DAB1: variants seen among roughly 807,000 people sequenced by gnomAD.
The protein encoded by DAB1 is disabled homolog 1.
A neutral mutation model predicts 64.6 loss-of-function variants in DAB1; 15 were observed. That is an observed-to-expected ratio of 0.23 (90% CI 0.16 to 0.36). The LOEUF (loss-of-function observed/expected upper bound fraction) is 0.36. DAB1 is among the 10% of genes least tolerant of loss of function. The pLI is 1.00. For missense variants in DAB1, 596 were observed against 706.7 expected, an observed-to-expected ratio of 0.84 and a Z score of 1.78; for synonymous variants, 235 against 251.9, an observed-to-expected ratio of 0.93 and a Z score of 0.64.
At chr1:58,328,221 A>G (rs756853548) in intron 4 of DAB1, among the ~76,000 whole-genome samples, 4 of 152,102 alleles carry the variant, frequency 2.6e-5, no homozygotes, top group Non-Finnish European at 5.9e-5. Context: ...ATTCATCCCA[A>G]CGTGATCTGC....
intron 1 of DAB1, among the ~76,000 whole-genome samples, chr1:57,309,392 AG>A (rs1284893396): frequency 6.6e-6 from 1 of 152,210 alleles, no homozygotes; most frequent in Non-Finnish European, 1.5e-5. Flanking sequence ...ATTCACTTTT[AG>A]GATTTCTGCT....
intron 11 of DAB1, 59 bp from the exon 12 acceptor site, chr1:57,015,490 C>A (rs977300511): frequency 5.5e-6 from 8 of 1,461,980 alleles, no homozygotes; most frequent in Non-Finnish European, 6.5e-6. Flanking sequence ...AAGAAGGATG[C>A]ATGGACTCAG....
At chr1:57,991,720 C>A (rs1466697446) in intron 5 of DAB1, among the ~76,000 whole-genome samples, 1 of 151,790 alleles carries the variant, frequency 6.6e-6, no homozygotes, top group Non-Finnish European at 1.5e-5. Flanking sequence ...GTAGCAGGCA[C>A]CTGTAATACC....
intron 6 of DAB1, among the ~76,000 whole-genome samples, chr1:57,667,744 G>T (rs913834173): frequency 1.3e-5 from 2 of 152,054 alleles, no homozygotes; most frequent in African/African-American, 4.8e-5. Context: ...GATGAAGCTG[G>T]AAACCATCAT....
At chr1:58,402,473 AAGAC>A (rs1313415116) in intron 3 of DAB1, among the ~76,000 whole-genome samples, 4 of 152,246 alleles carry the variant, frequency 2.6e-5, no homozygotes, top group South Asian at 2.1e-4. Context: ...ATGGAAGAGA[AAGAC>A]AGAAACACAC....
chr1:57,063,998 GCTC>G (rs1650664156), intron 8 of DAB1, among the ~76,000 whole-genome samples: 1 of 152,166 alleles, frequency 6.6e-6, no homozygotes, highest in South Asian at 2.1e-4. Context: ...CATATTGGGA[GCTC>G]CTCAAGAGCA....
At chr1:57,370,372 C>T (rs1680397681) in intron 1 of DAB1, among the ~76,000 whole-genome samples, 2 of 152,172 alleles carry the variant, frequency 1.3e-5, no homozygotes, top group African/African-American at 4.8e-5. Flanking sequence ...TTGCCAGTCA[C>T]CGACTTTTTA....
intron 2 of DAB1, among the ~76,000 whole-genome samples, chr1:58,514,030 T>C (rs921940111): frequency 6.6e-6 from 1 of 152,206 alleles, no homozygotes; most frequent in African/African-American, 2.4e-5. Flanking sequence ...TAAAATGTGA[T>C]AATTCTTGCA....
rs143645548 is a variant in DAB1 at position 57,750,962 on chromosome 1, T to C, written n.552-101297A>G. 2.4e-3 allele frequency among the ~76,000 whole-genome samples: 362 copies of C among 152,288 alleles called. 2 individuals are homozygous for C. Among genetic ancestry groups the C allele is most frequent in the African/African-American group, 8.3e-3 (345 of 41,578 alleles). On this transcript the variant is annotated intron_variant and non_coding_transcript_variant, in intron 6 of 20. Transcript: ENST00000485760. ...AGGGCTGCTTTTAACATTTTGATCA[T>C]ATTTCTATTCCCACCCCAGTCTCCT...
chr1:58,116,741 A>G (rs564974818), intron 5 of DAB1, among the ~76,000 whole-genome samples: 1 of 152,338 alleles, frequency 6.6e-6, no homozygotes, highest in East Asian at 1.9e-4. Context: ...TTTTCACTCT[A>G]TAATTCAGTT....
chr1:57,453,013 G>A (rs1570534601), intron 7 of DAB1, among the ~76,000 whole-genome samples: 1 of 151,836 alleles, frequency 6.6e-6, no homozygotes, highest in South Asian at 2.1e-4. Context: ...AAAGAAGGAG[G>A]GAGGGAAGGA....
At chr1:58,414,762 T>C (rs552196430) in intron 3 of DAB1, among the ~76,000 whole-genome samples, 142 of 151,460 alleles carry the variant, frequency 9.4e-4, no homozygotes, top group Non-Finnish European at 1.5e-3. Flanking sequence ...ACACAGCAAG[T>C]AGAAAGCAAA....
chr1:58,293,908 T>C (rs1237521858), intron 4 of DAB1, among the ~76,000 whole-genome samples: 1 of 152,238 alleles, frequency 6.6e-6, no homozygotes, highest in African/African-American at 2.4e-5. Flanking sequence ...CTCAGTGAGA[T>C]ACTCTGAGAG....
At chr1:57,545,294 C>T (rs1644844363) in intron 7 of DAB1, among the ~76,000 whole-genome samples, 1 of 152,206 alleles carries the variant, frequency 6.6e-6, no homozygotes. Context: ...TCCTAGTCTG[C>T]CTTATTTTTC....
intron 6 of DAB1, among the ~76,000 whole-genome samples, chr1:57,770,745 T>C (rs966067477): frequency 3.9e-5 from 6 of 152,116 alleles, no homozygotes; most frequent in African/African-American, 1.4e-4. Flanking sequence ...GAGATGCAAA[T>C]AACTTTTTTA....
At chr1:58,305,656 TC>T (rs1662288198) in intron 4 of DAB1, among the ~76,000 whole-genome samples, 4 of 152,178 alleles carry the variant, frequency 2.6e-5, no homozygotes. Flanking sequence ...TTTAAGACTT[TC>T]CTTTTTCAAA....
At chr1:57,835,379 C>G (rs1301702087) in intron 1 of DAB1, among the ~76,000 whole-genome samples, 1 of 152,190 alleles carries the variant, frequency 6.6e-6, no homozygotes, top group Non-Finnish European at 1.5e-5. Flanking sequence ...GATGAGGAAA[C>G]TGACTCATTG....
At chr1:57,018,655 A>G (rs1236966030) in intron 11 of DAB1, among the ~76,000 whole-genome samples, 1 of 152,134 alleles carries the variant, frequency 6.6e-6, no homozygotes, top group Non-Finnish European at 1.5e-5. Flanking sequence ...GAATGAGTGG[A>G]TGTTTTCACT....
chr1:58,114,693 T>C (rs1297091278), intron 5 of DAB1, among the ~76,000 whole-genome samples: 1 of 152,210 alleles, frequency 6.6e-6, no homozygotes, highest in Non-Finnish European at 1.5e-5. Flanking sequence ...CTATTGATCC[T>C]TTGCTGACCC....
Sources: gnomAD v4.1 joint callset for allele counts (sites outside exome capture counted in the v4.1 genomes callset) on GRCh38, gnomAD v4.1.1 for gene constraint, MANE v1.5 for transcripts, NCBI Gene and HGNC (gene_info 2026-07-23, HGNC 2026-07-21) for gene names.